MMP17: variants seen among roughly 807,000 people sequenced by gnomAD.
The protein encoded by MMP17 is matrix metalloproteinase-17.
In MMP17, 54 loss-of-function variants were observed where a neutral mutation model predicts 49.1. The observed-to-expected ratio is 1.10, with a 90% CI of 0.88 to 1.38. The LOEUF (loss-of-function observed/expected upper bound fraction) is 1.38. MMP17 is among the 40% of genes most tolerant of loss of function. The pLI, the probability that MMP17 is intolerant of heterozygous loss-of-function variation, is 0.00. For synonymous variants in MMP17, 397 were observed against 383.1 expected (o/e 1.04, Z -0.42); for missense variants, 837 against 853.7 (o/e 0.98, Z 0.24).
At chr12:131,838,377 C>T (rs375993238) in intron 2 of MMP17, 50 bp downstream of exon 2, 92 of 1,593,906 alleles carry the variant, frequency 5.8e-5, no homozygotes, top group Middle Eastern at 5.8e-4. Context: ...GTCAGGTCTG[C>T]GCCCGTCGGC....
intron 5 of MMP17, among the ~76,000 whole-genome samples, chr12:131,842,164 A>G (rs1357409626): frequency 6.6e-6 from 1 of 152,228 alleles, no homozygotes; most frequent in Non-Finnish European, 1.5e-5. Flanking sequence ...ACCCAGAGGT[A>G]TGTAGATTGC....
rs548140578 is a variant in MMP17 at position 131,844,407 on chromosome 12, G to A, written c.968+326G>A. 1.8e-5 allele frequency: 7 copies of A among 397,876 alleles called. No homozygotes were observed. In the South Asian group the frequency reaches 1.9e-4, roughly 11 times the overall value. 24.6% of individuals were successfully genotyped at this position (397,876 alleles called of 1,614,324 possible). ...TCCCAGCATCAGGAAGTCAGGCAGG[G>A]CCTGCGAGTGTCTGGCCTGTGCCCC... On this transcript the variant is annotated intron_variant, in intron 6 of 9. Coordinates refer to ENST00000360564, the MANE Select transcript of MMP17 (RefSeq NM_016155.7).
chr12:131,845,866 C>T (rs1016741237), intron 8 of MMP17, among the ~76,000 whole-genome samples: 6 of 152,096 alleles, frequency 3.9e-5, no homozygotes, highest in Non-Finnish European at 5.9e-5. Flanking sequence ...GCAGCCCTGC[C>T]GAGTCCCAAA....
rs573817678 is a variant in MMP17 at position 131,842,770 on chromosome 12, C to CA, written c.883+983dup. On this transcript the variant is annotated intron_variant, in intron 5 of 9. Transcript: ENST00000360564. ...CCTGGGTGGCAGAGTGAGACTGCCT[C>CA]AAAAAAAAAAAAAGAAAGAAATTCA... Among the ~76,000 whole-genome samples, 753 of 132,986 alleles carry CA rather than the reference C, an allele frequency of 5.7e-3. 7 individuals are homozygous for CA. Among genetic ancestry groups the CA allele is most frequent in the Non-Finnish European group, 7.7e-3 (474 of 61,330 alleles). The allele number at this position is 132,986 out of a possible 152,430, so 87.2% of individuals were successfully genotyped here. A position where few individuals can be genotyped will look rare whatever the true frequency, so the allele number is the denominator to read the frequency against.
intron 1 of MMP17, among the ~76,000 whole-genome samples, chr12:131,837,342 C>T (rs1344385207): frequency 6.6e-6 from 1 of 152,344 alleles, no homozygotes; most frequent in East Asian, 1.9e-4. Flanking sequence ...CAGACACAGT[C>T]TGCAACTCCT....
At position 131,840,758 on chromosome 12, in the gene MMP17, C is replaced by G. The variant is rs1887356306; in HGVS notation, c.608C>G (p.Pro203Arg). The G allele has an allele frequency of 6.2e-7, 1 of 1,604,478 alleles. No homozygotes were observed. Among genetic ancestry groups the G allele is most frequent in the African/African-American group, 1.3e-5 (1 of 75,056 alleles). The change falls in exon 4 of 10, where the codon CCC (proline) becomes CGC (arginine). Residue 203 changes from proline (P) to arginine (R), a missense_variant. Transcript: ENST00000360564. ...AACGACGGCTACCCCTTCGACGGCC[C>G]CGGCGGCACCGTGGCCCACGCCTTC... Reference protein sequence around the residue: ...DHNDGYPFDGPGGTVAHAFFP... With the variant: ...DHNDGYPFDGRGGTVAHAFFP...
In MMP17 at chr12:131,841,602, A is replaced by G. The variant is rs187916137; in HGVS notation, c.707-22A>G. 2,279 of 1,613,634 alleles carry G rather than the reference A, an allele frequency of 1.4e-3. 1 individual carries two copies. The highest frequency in any genetic ancestry group is 1.7e-3 in the Admixed American group (100 of 60,002). Reference sequence around the variant, plus strand: ...ACAGGGCCCTTCTTGCCCTTAGTTCACATGGCTCCCTGTGTCCCCAGATGC... The same window carrying G: ...ACAGGGCCCTTCTTGCCCTTAGTTCGCATGGCTCCCTGTGTCCCCAGATGC... On this transcript the variant is annotated intron_variant, in intron 4 of 9. Coordinates refer to ENST00000360564, the MANE Select transcript of MMP17 (RefSeq NM_016155.7).
At chr12:131,834,473 G>GC (rs1886977346) in intron 1 of MMP17, among the ~76,000 whole-genome samples, 1 of 152,112 alleles carries the variant, frequency 6.6e-6, no homozygotes, top group Non-Finnish European at 1.5e-5. Context: ...AGGATCAGAC[G>GC]CCCCCCTGCC....
chr12:131,841,453 G>C (rs1022287189), intron 4 of MMP17, among the ~76,000 whole-genome samples, 171 bp from the exon 5 acceptor site: 4 of 152,178 alleles, frequency 2.6e-5, no homozygotes, highest in African/African-American at 9.6e-5. Context: ...GCCCCACAGA[G>C]CCCCCAGGGG....
At chr12:131,841,588 C>T in intron 4 of MMP17, 36 bp from the exon 5 acceptor site, 1 of 1,611,496 alleles carries the variant, frequency 6.2e-7, no homozygotes, top group Non-Finnish European at 8.5e-7. Context: ...CAGGGCCCTT[C>T]TTGCCCTTAG....
rs541401339 is a variant in MMP17, at chr12:131,845,558, T to C, written c.1204+109T>C. Reference sequence around the variant, plus strand: ...GTAAGCCCTACGTCTGCCCAGAGGCTGGTCGAGCACAGAGCAGCTGGTTTG... The same window carrying C: ...GTAAGCCCTACGTCTGCCCAGAGGCCGGTCGAGCACAGAGCAGCTGGTTTG... On this transcript the variant is annotated intron_variant, in intron 8 of 9. Transcript: ENST00000360564. 2.8e-5 allele frequency: 39 copies of C among 1,377,538 alleles called. No homozygotes were observed. The South Asian group carries it at 5.7e-4, about 20-fold the overall frequency. 85.3% of individuals were successfully genotyped at this position (1,377,538 alleles called of 1,614,324 possible).
At chr12:131,829,890 G>C (rs538525215) in intron 1 of MMP17, among the ~76,000 whole-genome samples, 1 of 152,324 alleles carries the variant, frequency 6.6e-6, no homozygotes, top group South Asian at 2.1e-4. Flanking sequence ...CCGCGTCCAG[G>C]TGCCTGCAGG....
intron 5 of MMP17, among the ~76,000 whole-genome samples, chr12:131,842,306 C>T (rs1156947413): frequency 6.6e-6 from 1 of 152,162 alleles, no homozygotes; most frequent in East Asian, 1.9e-4. Context: ...CAGAGGCCGA[C>T]GCGGTCACCT....
chr12:131,840,820 T>C lies in MMP17; in HGVS notation c.670T>C (p.Phe224Leu). The C allele has an allele frequency of 1.2e-6, 2 of 1,607,072 alleles. No individual in the cohort carries two copies. Among genetic ancestry groups the C allele is most frequent in the East Asian group, 2.2e-5 (1 of 44,836 alleles). The change falls in exon 4 of 10, where the codon TTT (phenylalanine) becomes CTT (leucine). Residue 224 changes from phenylalanine to leucine, a missense_variant. Transcript: ENST00000360564. ...GHHHTAGDTH[F>L]DDDEAWTFRS... ...CCACCACACCGCCGGGGACACCCACTTTGACGATGACGAGGCCTGGACCTT... is the reference window on the plus strand; with the variant it reads ...CCACCACACCGCCGGGGACACCCACCTTGACGATGACGAGGCCTGGACCTT...
At chr12:131,836,110 G>T (rs535475217) in intron 1 of MMP17, among the ~76,000 whole-genome samples, 39 of 152,188 alleles carry the variant, frequency 2.6e-4, no homozygotes, top group African/African-American at 9.2e-4. Context: ...CTTTGGAGGG[G>T]CCCCCAGTTC....
chr12:131,840,427 T>G (rs7484577), intron 3 of MMP17, 146 bp from the exon 4 acceptor site: 1 of 804,126 alleles, frequency 1.2e-6, no homozygotes. Context: ...GTGCATCGGA[T>G]GACTCCTGGC....
intron 4 of MMP17, 107 bp downstream of exon 4, chr12:131,840,963 G>A (rs888303227): frequency 2.2e-5 from 29 of 1,318,806 alleles, no homozygotes; most frequent in Admixed American, 1.1e-4. Flanking sequence ...GAAAACACAC[G>A]CGGCTGCTCC....
In MMP17 at chr12:131,848,857, C is replaced by T. The variant is rs549243703; in HGVS notation, c.1205-945C>T. Among the ~76,000 whole-genome samples, 14 of 152,316 alleles carry T rather than the reference C, an allele frequency of 9.2e-5. No homozygotes were observed. In the South Asian group the frequency reaches 2.1e-3, roughly 23 times the overall value. ...CTCTACTCTGGGCTCCTGTGAAGGA[C>T]GCTGCTATGAGCGTGAGTGTGCAAA... On this transcript the variant is annotated intron_variant, in intron 8 of 9. Transcript: ENST00000360564.
Position 131,846,039 on chromosome 12 carries a change from T to C in MMP17, c.1204+590T>C, listed in dbSNP as rs1433834116. On this transcript the variant is annotated intron_variant, in intron 8 of 9. Transcript: ENST00000360564. The surrounding 1 kb of genome is among the most constrained non-coding windows in gnomAD (Gnocchi z 4.6). ...TGGCAGTGTTACAGGAAGCACTCCT[T>C]TTGCCTCCAAGTCTCCGGGAAGGGC... Among the ~76,000 whole-genome samples the C allele has an allele frequency of 6.6e-6, 1 of 152,092 alleles. No homozygotes were observed. Among genetic ancestry groups the C allele is most frequent in the Non-Finnish European group, 1.5e-5 (1 of 68,008 alleles).
Sources: gnomAD v4.1 joint callset for allele counts (sites outside exome capture counted in the v4.1 genomes callset) on GRCh38, gnomAD v4.1.1 for gene constraint, Gnocchi (gnomAD v3.1) non-coding constraint, MANE v1.5 for transcripts, NCBI Gene and HGNC (gene_info 2026-07-23, HGNC 2026-07-21) for gene names.